RIC1: variants seen among roughly 807,000 people sequenced by gnomAD.
The protein encoded by RIC1 is guanine nucleotide exchange factor subunit RIC1.
RIC1 carries 88 observed loss-of-function variants against 169.0 expected under a neutral mutation model. That is an observed-to-expected ratio of 0.52 (90% CI 0.44 to 0.62). RIC1 has a LOEUF of 0.62. Among genes scored for constraint, RIC1 ranks in the 20% least tolerant of loss-of-function variants. The pLI is 0.00. For missense variants in RIC1, 1,877 were observed against 1,725.5 expected (o/e 1.09, Z -1.56); for synonymous variants, 790 against 601.5 (o/e 1.31, Z -4.59).
chr9:5,768,079 G>A (rs1352348163), intron 21 of RIC1, among the ~76,000 whole-genome samples: 1 of 152,166 alleles, frequency 6.6e-6, no homozygotes, highest in African/African-American at 2.4e-5. Flanking sequence ...CCGAATCCAG[G>A]CAGTACTGCA....
intron 1 of RIC1, among the ~76,000 whole-genome samples, chr9:5,645,587 A>G (rs1304318791): frequency 6.6e-6 from 1 of 152,046 alleles, no homozygotes; most frequent in Non-Finnish European, 1.5e-5. Context: ...GGAAACTACT[A>G]TTGTATTTTC....
chr9:5,646,044 C>T (rs1445208626), intron 1 of RIC1, among the ~76,000 whole-genome samples: 2 of 151,038 alleles, frequency 1.3e-5, no homozygotes, highest in African/African-American at 4.9e-5. Flanking sequence ...TACATTCTTA[C>T]CAGCAATACA....
At chr9:5,653,318 T>C (rs1818910507) in intron 1 of RIC1, among the ~76,000 whole-genome samples, 1 of 152,150 alleles carries the variant, frequency 6.6e-6, no homozygotes, top group African/African-American at 2.4e-5. Context: ...TACCACACTT[T>C]CTTGACTACT....
chr9:5,714,054 A>G (rs373067629), intron 4 of RIC1, 51 bp downstream of exon 4: 1 of 1,181,334 alleles, frequency 8.5e-7, no homozygotes, highest in Non-Finnish European at 1.2e-6. Flanking sequence ...TAGACAATGT[A>G]GTTCGTAAAT....
intron 3 of RIC1, among the ~76,000 whole-genome samples, chr9:5,691,208 G>C (rs1358195927): frequency 6.6e-6 from 1 of 151,818 alleles, no homozygotes; most frequent in East Asian, 1.9e-4. Context: ...GAAGAAACAA[G>C]TCACACAAAA....
chr9:5,729,326 G>C (rs1225877360), intron 6 of RIC1, among the ~76,000 whole-genome samples: 1 of 152,136 alleles, frequency 6.6e-6, no homozygotes, highest in Admixed American at 6.5e-5. Context: ...TTGGGGAAGT[G>C]CTCTGGGAGG....
chr9:5,760,029 A>G (rs932849657), intron 17 of RIC1, among the ~76,000 whole-genome samples: 1 of 152,230 alleles, frequency 6.6e-6, no homozygotes, highest in Non-Finnish European at 1.5e-5. Context: ...GAGCAGATTA[A>G]GAAGTTAAAA....
chr9:5,752,898 C>G (rs1199820912), intron 12 of RIC1, among the ~76,000 whole-genome samples: 9 of 152,176 alleles, frequency 5.9e-5, no homozygotes. Flanking sequence ...TAGCTGCCCT[C>G]ACAGGTGCCT....
At chr9:5,665,191 A>G (rs1364731168) in intron 2 of RIC1, among the ~76,000 whole-genome samples, 2 of 151,536 alleles carry the variant, frequency 1.3e-5, no homozygotes, top group African/African-American at 4.9e-5. Flanking sequence ...TTGATCTTGT[A>G]GTGTGTTTCT....
chr9:5,706,381 G>A (rs561712953), intron 3 of RIC1, among the ~76,000 whole-genome samples: 11 of 152,308 alleles, frequency 7.2e-5, no homozygotes, highest in African/African-American at 2.6e-4. Flanking sequence ...GAACCAGGGA[G>A]TCGGAGGTTG....
chr9:5,629,481 C>T lies in RIC1; in HGVS notation c.144+28C>T, dbSNP rs1393526850. 6 of 1,518,030 alleles carry T rather than the reference C, an allele frequency of 4.0e-6. No homozygotes were observed. The Admixed American group carries it at 1.2e-4, about 31-fold the overall frequency. The allele number at this position is 1,518,030 out of a possible 1,614,324, so 94.0% of individuals were successfully genotyped here. A position where few individuals can be genotyped will look rare whatever the true frequency, so the allele number is the denominator to read the frequency against. On this transcript the variant is annotated intron_variant, in intron 1 of 25. Transcript: ENST00000414202. ...AAGTAGAGCCGCCCGCCGCCTTTCG[C>T]CGCTGCCTCCCCGGCCTCCCGGCGC...
At chr9:5,677,104 C>G (rs900518579) in intron 2 of RIC1, among the ~76,000 whole-genome samples, 7 of 152,120 alleles carry the variant, frequency 4.6e-5, no homozygotes. Flanking sequence ...AAATGTGAAA[C>G]TTTTCTGAAG....
chr9:5,728,619 C>G (rs1824156975), intron 6 of RIC1, among the ~76,000 whole-genome samples: 1 of 152,218 alleles, frequency 6.6e-6, no homozygotes. Context: ...CTCTGCATCA[C>G]TCATGCTGGG....
chr9:5,631,816 C>G (rs1203853860), intron 1 of RIC1, among the ~76,000 whole-genome samples: 2 of 151,690 alleles, frequency 1.3e-5, no homozygotes, highest in Admixed American at 1.3e-4. Flanking sequence ...TATGCCCTTT[C>G]TTACTCTGTA....
Position 5,765,545 on chromosome 9 carries a change from G to A in RIC1, c.2973G>A (p.Glu991=). 1.2e-6 allele frequency: 2 copies of A among 1,612,694 alleles called. No homozygotes were observed. The highest frequency in any genetic ancestry group is 1.7e-6 in the Non-Finnish European group (2 of 1,179,526). The change falls in exon 20 of 26, where the codon GAG becomes GAA. Residue 991 remains glutamate, a synonymous_variant. Coordinates refer to ENST00000414202, the MANE Select transcript of RIC1 (RefSeq NM_020829.4). ...AAGCCATTGGCTCTGGAGAATCTGAGACACCTCCATCCACACCCACAGCTC... is the reference window on the plus strand; with the variant it reads ...AAGCCATTGGCTCTGGAGAATCTGAAACACCTCCATCCACACCCACAGCTC... ...FLKAIGSGES[E]TPPSTPTAQE...
At chr9:5,742,212 T>C (rs1825123616) in intron 8 of RIC1, among the ~76,000 whole-genome samples, 1 of 152,194 alleles carries the variant, frequency 6.6e-6, no homozygotes, top group Non-Finnish European at 1.5e-5. Context: ...GGGTATCTTT[T>C]GTTAGATTAC....
intron 1 of RIC1, among the ~76,000 whole-genome samples, chr9:5,650,544 C>T (rs1240210911): frequency 6.6e-6 from 1 of 152,086 alleles, no homozygotes; most frequent in Non-Finnish European, 1.5e-5. Flanking sequence ...AGTAGCCTCA[C>T]ACCAGAGGCT....
At chr9:5,718,729 TA>T in intron 4 of RIC1, among the ~76,000 whole-genome samples, 1 of 152,326 alleles carries the variant, frequency 6.6e-6, no homozygotes, top group South Asian at 2.1e-4. Context: ...AATTTGAAAT[TA>T]ATATATAATG....
intron 3 of RIC1, among the ~76,000 whole-genome samples, chr9:5,707,041 A>C (rs1822633919): frequency 6.6e-6 from 1 of 152,124 alleles, no homozygotes; most frequent in African/African-American, 2.4e-5. Flanking sequence ...TTACCTATAA[A>C]TTTCTCTCTG....
Sources: allele counts gnomAD v4.1 joint callset (sites outside exome capture counted in the v4.1 genomes callset), GRCh38; gene constraint gnomAD v4.1.1; transcripts MANE v1.5; gene names NCBI Gene and HGNC (gene_info 2026-07-23, HGNC 2026-07-21).